Variants in RXYLT1 observed in about 807,000 individuals in gnomAD.
RXYLT1 encodes the protein ribitol xylosyltransferase 1, also known as ribitol-5-phosphate xylosyltransferase 1.
A neutral mutation model predicts 43.5 loss-of-function variants in RXYLT1; 41 were observed. The observed-to-expected ratio is 0.94, with a 90% CI of 0.73 to 1.22. The LOEUF is 1.22. Among genes scored for constraint, RXYLT1 ranks in the 50% most tolerant of loss-of-function variants. The pLI is 0.00. For missense variants in RXYLT1, 514 were observed against 532.0 expected, an observed-to-expected ratio of 0.97 and a Z score of 0.33; for synonymous variants, 166 against 194.4, an observed-to-expected ratio of 0.85 and a Z score of 1.21.
intron 3 of RXYLT1, among the ~76,000 whole-genome samples, chr12:63,797,137 T>C (rs1898053800): frequency 6.6e-6 from 1 of 151,978 alleles, no homozygotes; most frequent in South Asian, 2.1e-4. Context: ...CTAATTTTTG[T>C]ATTTTTAGTA....
intron 4 of RXYLT1, chr12:63,803,701 C>G (rs1181827214): frequency 6.6e-6 from 1 of 152,076 alleles, no homozygotes; most frequent in African/African-American, 2.4e-5. Context: ...GCAGAGCCTG[C>G]ATTTGTAAAA....
chr12:63,802,008 G>T (rs1044081764), intron 3 of RXYLT1, 83 bp from the exon 4 acceptor site: 3 of 1,274,208 alleles, frequency 2.4e-6, no homozygotes, highest in African/African-American at 3.0e-5. Flanking sequence ...TGTAGATTTT[G>T]TATAAAATGA....
chr12:63,783,293 T>C (rs1463936359), intron 2 of RXYLT1, among the ~76,000 whole-genome samples: 1 of 152,178 alleles, frequency 6.6e-6, no homozygotes, highest in African/African-American at 2.4e-5. Context: ...AAACCCCGTC[T>C]GTACCAAAAA....
At position 63,780,060 on chromosome 12, in the gene RXYLT1, C is replaced by T. The variant is rs777320199; in HGVS notation, c.100C>T (p.Gln34Ter). The T allele has an allele frequency of 2.5e-6, 4 of 1,604,850 alleles. No homozygotes were observed. Among genetic ancestry groups the T allele is most frequent in the Non-Finnish European group, 3.4e-6 (4 of 1,177,450 alleles). ...CCACGTCTTCTTCGGGCGCCGCCGC[C>T]AGGCGCCGGCCGGGTCCCCGCGGGG... ...AYHVFFGRRR[Q>*]APAGSPRGLR... The change falls in exon 1 of 6, where the codon CAG becomes TAG. Residue 34 changes from glutamine to a stop codon, truncating the protein, a stop_gained. Coordinates refer to ENST00000261234, the MANE Select transcript of RXYLT1 (RefSeq NM_014254.3). LOFTEE classifies it high-confidence loss of function.
intron 3 of RXYLT1, among the ~76,000 whole-genome samples, chr12:63,801,388 T>G (rs1898155751): frequency 6.6e-6 from 1 of 152,224 alleles, no homozygotes; most frequent in African/African-American, 2.4e-5. Context: ...ATAAAAGGGT[T>G]GAGAACTACT....
intron 3 of RXYLT1, among the ~76,000 whole-genome samples, chr12:63,800,092 T>C (rs921496838): frequency 1.4e-4 from 22 of 152,196 alleles, no homozygotes; most frequent in African/African-American, 5.1e-4. Flanking sequence ...TAGTAAAATA[T>C]ATTTTTACGT....
At chr12:63,783,698 C>A (rs1413117081) in intron 2 of RXYLT1, among the ~76,000 whole-genome samples, 1 of 152,164 alleles carries the variant, frequency 6.6e-6, no homozygotes, top group East Asian at 1.9e-4. Context: ...AGAGACACTT[C>A]CACATTTTTA....
intron 5 of RXYLT1, chr12:63,807,117 G>A (rs746985099): frequency 1.3e-5 from 2 of 152,210 alleles, no homozygotes; most frequent in East Asian, 3.9e-4. Context: ...AGCTCATTCC[G>A]TGTAATAATC....
At chr12:63,799,766 A>AAGG (rs1237664117) in intron 3 of RXYLT1, among the ~76,000 whole-genome samples, 2 of 152,096 alleles carry the variant, frequency 1.3e-5, no homozygotes, top group African/African-American at 4.8e-5. Flanking sequence ...TAACATGGGG[A>AAGG]AGGAGGACTG....
chr12:63,802,816 A>T (rs1255255391), intron 4 of RXYLT1, among the ~76,000 whole-genome samples: 2 of 152,092 alleles, frequency 1.3e-5, no homozygotes, highest in African/African-American at 2.4e-5. Flanking sequence ...GGCTGAATTT[A>T]TACAAATCTC....
chr12:63,802,547 G>GATGCGACCACACCCT, intron 4 of RXYLT1, 142 bp downstream of exon 4: 1 of 667,722 alleles, frequency 1.5e-6, no homozygotes, highest in Non-Finnish European at 2.3e-6. Flanking sequence ...ATAAAAACAG[G>GATGCGACCACACCCT]GTGTGGTCGC....
rs752782101 is a variant in RXYLT1, at chr12:63,805,250, G to A, written c.760G>A (p.Val254Met). The A allele has an allele frequency of 2.9e-5, 46 of 1,597,304 alleles. No individual in the cohort carries two copies. In the South Asian group the frequency reaches 4.9e-4, roughly 17 times the overall value. The change falls in exon 5 of 6, where the codon GTG becomes ATG. Residue 254 changes from valine (V) to methionine (M), a missense_variant. Val to Met is a conservative substitution (Grantham distance 21). Coordinates refer to ENST00000261234, the MANE Select transcript of RXYLT1 (RefSeq NM_014254.3). ...LGVATYRNFP[V>M]VEASWSMLHD... ...TTTTTATAGATACAGGAATTTTCCT[G>A]TGGTGGAGGCAAGTTGGTCAATGCT...
At chr12:63,784,754 T>G (rs1470027356) in intron 2 of RXYLT1, among the ~76,000 whole-genome samples, 3 of 152,204 alleles carry the variant, frequency 2.0e-5, no homozygotes, top group Admixed American at 6.5e-5. Flanking sequence ...TTGCCACATT[T>G]TACACACTAA....
Position 63,808,453 on chromosome 12 carries a change from G to A in RXYLT1, c.915-222G>A, listed in dbSNP as rs17099839. The A allele has an allele frequency of 0.048, 25,516 of 536,838 alleles. 1,353 individuals carry two copies. The highest frequency in any genetic ancestry group is 0.23 in the East Asian group (6,816 of 29,062). The allele number at this position is 536,838 out of a possible 1,614,324, so 33.3% of individuals were successfully genotyped here. On this transcript the variant is annotated intron_variant, in intron 5 of 5. Coordinates refer to ENST00000261234, the MANE Select transcript of RXYLT1 (RefSeq NM_014254.3). ...TTATTATCCATTCAGAAGTGTTACG[G>A]TGACTCCTAGATTTTATAAATGTAC...
intron 3 of RXYLT1, among the ~76,000 whole-genome samples, chr12:63,792,168 C>T (rs1897931557): frequency 6.6e-6 from 1 of 152,104 alleles, no homozygotes. Flanking sequence ...CTGTATTGGT[C>T]CCTAAAGATC....
chr12:63,798,934 TA>T (rs1898093828), intron 3 of RXYLT1, among the ~76,000 whole-genome samples: 1 of 152,226 alleles, frequency 6.6e-6, no homozygotes, highest in Non-Finnish European at 1.5e-5. Context: ...TGTTAGGACA[TA>T]GATACTTATT....
chr12:63,781,722 G>A (rs1454333300), intron 2 of RXYLT1, among the ~76,000 whole-genome samples: 3 of 152,180 alleles, frequency 2.0e-5, no homozygotes. Context: ...AGAGTGTAGT[G>A]TTCTAAGATA....
chr12:63,793,387 T>TGCCTTGCACAGAG (rs1315683660), intron 3 of RXYLT1, among the ~76,000 whole-genome samples: 1 of 152,194 alleles, frequency 6.6e-6, no homozygotes, highest in African/African-American at 2.4e-5. Context: ...ACAGTGCATG[T>TGCCTTGCACAGAG]ATACACTTGA....
In RXYLT1 at chr12:63,809,092, A is replaced by G; in HGVS notation, c.1332A>G (p.Ter444=). 1 of 1,499,456 alleles carries G rather than the reference A, an allele frequency of 6.7e-7. No homozygotes were observed. The highest frequency in any genetic ancestry group is 2.3e-5 in the East Asian group (1 of 42,678). 92.9% of individuals were successfully genotyped at this position (1,499,456 alleles called of 1,614,324 possible). A position where few individuals can be genotyped will look rare whatever the true frequency, so the allele number is the denominator to read the frequency against. The change falls in exon 6 of 6, where the codon TAA becomes TAG. Residue 444 remains the stop codon, a stop_retained_variant. Coordinates refer to ENST00000261234, the MANE Select transcript of RXYLT1 (RefSeq NM_014254.3). ...ESSFLMNNKS[*] is the part of the protein sequence containing the mutation. ...CATTTTTAATGAATAATAAAAGTTAATTATCTTTTTGAGCTAACATGTGAT... is the reference window on the plus strand; with the variant it reads ...CATTTTTAATGAATAATAAAAGTTAGTTATCTTTTTGAGCTAACATGTGAT...
Sources: allele counts gnomAD v4.1 joint callset (sites outside exome capture counted in the v4.1 genomes callset), GRCh38; gene constraint gnomAD v4.1.1; transcripts MANE v1.5; gene names NCBI Gene and HGNC (gene_info 2026-07-23, HGNC 2026-07-21).